The following ZRANB3 variants were observed in gnomAD, a reference collection of about 807,000 sequenced individuals.
The protein encoded by ZRANB3 is DNA annealing helicase and endonuclease ZRANB3.
In ZRANB3, 125 loss-of-function variants were observed where a neutral mutation model predicts 133.8. The ratio of observed to expected loss-of-function variants is 0.93; its 90% CI spans 0.81 to 1.08. The LOEUF is 1.08. Among genes scored for constraint, ZRANB3 ranks in the 50% least tolerant of loss-of-function variants. The pLI is 0.00. For missense variants in ZRANB3, 1,229 were observed against 1,275.5 expected, an observed-to-expected ratio of 0.96 and a Z score of 0.56; for synonymous variants, 387 against 432.7, an observed-to-expected ratio of 0.89 and a Z score of 1.31.
At chr2:135,292,110 C>CA (rs1681777290) in intron 8 of ZRANB3, among the ~76,000 whole-genome samples, 1 of 152,178 alleles carries the variant, frequency 6.6e-6, no homozygotes, top group Non-Finnish European at 1.5e-5. Context: ...GGTATATACC[C>CA]AGTAATGGGA....
At chr2:135,210,287 G>A (rs1350289705) in intron 17 of ZRANB3, among the ~76,000 whole-genome samples, 2 of 152,010 alleles carry the variant, frequency 1.3e-5, no homozygotes, top group African/African-American at 4.8e-5. Context: ...TCAGAGACAT[G>A]CTAATTCATC....
intron 12 of ZRANB3, among the ~76,000 whole-genome samples, chr2:135,247,786 C>T (rs1684218582): frequency 6.6e-6 from 1 of 152,148 alleles, no homozygotes; most frequent in African/African-American, 2.4e-5. Context: ...AGGGGCTAGT[C>T]ACCATGTTTG....
chr2:135,420,846 T>C (rs1688815970), intron 2 of ZRANB3, among the ~76,000 whole-genome samples: 1 of 152,120 alleles, frequency 6.6e-6, no homozygotes, highest in Non-Finnish European at 1.5e-5. Context: ...AAAGGAAAAT[T>C]TTAGGCTAGA....
At chr2:135,525,763 G>A (rs972077390) in intron 1 of ZRANB3, among the ~76,000 whole-genome samples, 2 of 150,248 alleles carry the variant, frequency 1.3e-5, no homozygotes, top group East Asian at 2.0e-4. Context: ...TAGGAGAATC[G>A]CTTGAACCCG....
intron 14 of ZRANB3, among the ~76,000 whole-genome samples, chr2:135,226,938 T>G (rs1694781506): frequency 6.6e-6 from 1 of 152,196 alleles, no homozygotes; most frequent in Admixed American, 6.5e-5. Flanking sequence ...CTTGAGGAGT[T>G]AGAAGGAAGG....
chr2:135,462,667 A>T (rs1367110516), intron 2 of ZRANB3, among the ~76,000 whole-genome samples: 1 of 145,632 alleles, frequency 6.9e-6, no homozygotes, highest in African/African-American at 2.6e-5. Context: ...ATCTCGGCTC[A>T]CTGCAACCTC....
chr2:135,321,964 T>G (rs1434855376), intron 6 of ZRANB3, among the ~76,000 whole-genome samples: 5 of 152,166 alleles, frequency 3.3e-5, no homozygotes, highest in Non-Finnish European at 4.4e-5. Flanking sequence ...TTGTCTTTTA[T>G]CGTTCATGAA....
intron 2 of ZRANB3, among the ~76,000 whole-genome samples, chr2:135,468,184 G>A (rs1043228566): frequency 3.3e-5 from 5 of 151,970 alleles, no homozygotes; most frequent in Admixed American, 6.6e-5. Context: ...TCTAATTACC[G>A]CAAAATTTTA....
chr2:135,465,745 G>A (rs1029149145), intron 2 of ZRANB3, among the ~76,000 whole-genome samples: 5 of 152,114 alleles, frequency 3.3e-5, no homozygotes, highest in African/African-American at 1.2e-4. Context: ...TACAGAATGG[G>A]AGAAAATTTT....
intron 3 of ZRANB3, among the ~76,000 whole-genome samples, chr2:135,360,474 G>A (rs567398426): frequency 6.6e-6 from 1 of 151,996 alleles, no homozygotes; most frequent in Non-Finnish European, 1.5e-5. Flanking sequence ...GGGAGGCCAA[G>A]GTGGGCGGAT....
chr2:135,298,679 C>T (rs569155816), intron 8 of ZRANB3, among the ~76,000 whole-genome samples: 2 of 152,274 alleles, frequency 1.3e-5, no homozygotes, highest in South Asian at 2.1e-4. Context: ...GATCAGTCTT[C>T]AGGTCTCTCA....
chr2:135,431,500 C>G (rs566031254), intron 2 of ZRANB3, among the ~76,000 whole-genome samples: 2 of 152,124 alleles, frequency 1.3e-5, no homozygotes, highest in African/African-American at 4.8e-5. Context: ...AAATTAATAT[C>G]TGCTCTTTGA....
chr2:135,382,562 T>C (rs1686761716), intron 3 of ZRANB3, among the ~76,000 whole-genome samples: 1 of 151,890 alleles, frequency 6.6e-6, no homozygotes, highest in Admixed American at 6.6e-5. Flanking sequence ...AAAGTTGAAA[T>C]GAAGGAAATG....
At chr2:135,430,089 T>A (rs964148455) in intron 2 of ZRANB3, among the ~76,000 whole-genome samples, 3 of 151,788 alleles carry the variant, frequency 2.0e-5, no homozygotes, top group Non-Finnish European at 4.4e-5. Flanking sequence ...GGTGGGAGGA[T>A]CACTTGAGCC....
chr2:135,290,239 G>C (rs1166181134), intron 8 of ZRANB3, among the ~76,000 whole-genome samples: 2 of 152,118 alleles, frequency 1.3e-5, no homozygotes, highest in Non-Finnish European at 2.9e-5. Flanking sequence ...TAACTTCTTA[G>C]GTATAGTAGT....
chr2:135,395,646 C>A (rs1440798513), intron 2 of ZRANB3, among the ~76,000 whole-genome samples: 1 of 151,832 alleles, frequency 6.6e-6, no homozygotes, highest in African/African-American at 2.4e-5. Flanking sequence ...CTAGTTGAGA[C>A]GGGGTTTCAC....
chr2:135,505,612 C>T (rs1693143368), intron 1 of ZRANB3, among the ~76,000 whole-genome samples: 1 of 151,736 alleles, frequency 6.6e-6, no homozygotes, highest in Admixed American at 6.6e-5. Flanking sequence ...TCCTCAATTA[C>T]ATGCAGACTT....
At chr2:135,483,170 T>C (rs1312838576) in intron 2 of ZRANB3, among the ~76,000 whole-genome samples, 2 of 151,668 alleles carry the variant, frequency 1.3e-5, no homozygotes, top group African/African-American at 4.9e-5. Context: ...TTCTATTGAT[T>C]GGAATAGTTT....
chr2:135,498,375 T>C (rs1158522401), intron 2 of ZRANB3, among the ~76,000 whole-genome samples: 2 of 152,176 alleles, frequency 1.3e-5, no homozygotes, highest in Non-Finnish European at 2.9e-5. Context: ...TACTGCAATC[T>C]CTGAACATAA....
Sources: gnomAD v4.1 joint callset for allele counts (sites outside exome capture counted in the v4.1 genomes callset) on GRCh38, gnomAD v4.1.1 for gene constraint, MANE v1.5 for transcripts, NCBI Gene and HGNC (gene_info 2026-07-23, HGNC 2026-07-21) for gene names.